Variants in ITPRID1 observed in about 807,000 individuals in gnomAD.
ITPRID1 encodes the protein protein ITPRID1.
A neutral mutation model predicts 95.4 loss-of-function variants in ITPRID1; 96 were observed. The observed-to-expected ratio is 1.01, with a 90% CI of 0.85 to 1.19. ITPRID1 has a LOEUF of 1.19. Among genes scored for constraint, ITPRID1 ranks in the 50% most tolerant of loss-of-function variants. ITPRID1 has a pLI of 0.00. For missense variants in ITPRID1, 1,339 were observed against 1,252.9 expected (o/e 1.07, Z -1.04); for synonymous variants, 510 against 453.6 (o/e 1.12, Z -1.58).
rs1791232211 is a variant in ITPRID1 at position 31,655,079 on chromosome 7, C to T, written c.*2250C>T. ...TCTCCAAGCATCTATGACCCTGATT[C>T]CCAGCTCTCTCCAGTATCCCAGCCC... On this transcript the variant is annotated 3_prime_UTR_variant, in exon 15 of 15. Coordinates refer to ENST00000615280, the MANE Select transcript of ITPRID1 (RefSeq NM_001257967.3). Among the ~76,000 whole-genome samples the T allele has an allele frequency of 1.3e-5, 2 of 152,280 alleles. No individual in the cohort carries two copies. Among genetic ancestry groups the T allele is most frequent in the East Asian group, 1.9e-4 (1 of 5,174 alleles).
intron 10 of ITPRID1, among the ~76,000 whole-genome samples, chr7:31,598,435 G>A (rs1474137416): frequency 2.5e-5 from 3 of 119,766 alleles, no homozygotes; most frequent in Admixed American, 1.2e-4. Flanking sequence ...ACGGAGTCTC[G>A]CTCTGTCACC....
intron 10 of ITPRID1, among the ~76,000 whole-genome samples, chr7:31,623,859 T>C (rs538498192): frequency 1.3e-5 from 2 of 152,258 alleles, no homozygotes; most frequent in African/African-American, 4.8e-5. Context: ...TATGATTTTA[T>C]ATGTAGAAAA....
At chr7:31,594,856 C>CA (rs967296991) in intron 10 of ITPRID1, among the ~76,000 whole-genome samples, 49 of 139,450 alleles carry the variant, frequency 3.5e-4, no homozygotes, top group South Asian at 1.4e-3. Context: ...GACTCCGTTT[C>CA]AAAAAAAAAG....
chr7:31,567,627 G>T (rs1436790418), intron 5 of ITPRID1, among the ~76,000 whole-genome samples: 2 of 150,412 alleles, frequency 1.3e-5, no homozygotes, highest in Non-Finnish European at 2.9e-5. Flanking sequence ...TGTCACCCAG[G>T]CTTGAGCGCA....
intron 10 of ITPRID1, among the ~76,000 whole-genome samples, chr7:31,626,106 CA>C (rs1247751531): frequency 6.6e-6 from 1 of 151,988 alleles, no homozygotes; most frequent in Non-Finnish European, 1.5e-5. Context: ...GTAAACTTGG[CA>C]AAAACATGTT....
At chr7:31,597,496 A>T (rs1348875637) in intron 10 of ITPRID1, among the ~76,000 whole-genome samples, 1 of 151,668 alleles carries the variant, frequency 6.6e-6, no homozygotes. Flanking sequence ...AGCAGAAAAA[A>T]AAAAACCCCA....
chr7:31,632,258 C>T (rs1789073092), intron 10 of ITPRID1, among the ~76,000 whole-genome samples: 6 of 151,980 alleles, frequency 3.9e-5, no homozygotes, highest in Admixed American at 3.3e-4. Context: ...ACCATCCTGG[C>T]TAACACGGTG....
chr7:31,632,599 A>G (rs1023821074), intron 10 of ITPRID1, among the ~76,000 whole-genome samples: 10 of 152,212 alleles, frequency 6.6e-5, no homozygotes, highest in Non-Finnish European at 1.0e-4. Context: ...GACTGATATC[A>G]GTGTAACCCA....
At chr7:31,525,950 T>C (rs1173048492) in intron 1 of ITPRID1, among the ~76,000 whole-genome samples, 3 of 151,954 alleles carry the variant, frequency 2.0e-5, no homozygotes, top group African/African-American at 7.3e-5. Flanking sequence ...ACTTTCTGGC[T>C]CACTGGGAAT....
At chr7:31,536,854 A>G (rs1017400350) in intron 1 of ITPRID1, among the ~76,000 whole-genome samples, 1 of 152,160 alleles carries the variant, frequency 6.6e-6, no homozygotes, top group African/African-American at 2.4e-5. Flanking sequence ...CCTGCACCTT[A>G]CAAGTCATTT....
Position 31,556,996 on chromosome 7 carries a change from T to C in ITPRID1, c.256+2095T>C, listed in dbSNP as rs574858193. 4.6e-5 allele frequency among the ~76,000 whole-genome samples: 7 copies of C among 152,118 alleles called. 1 individual carries two copies. The highest frequency in any genetic ancestry group is 1.4e-4 in the African/African-American group (6 of 41,540). ...TGGCTTTGGCAATCCTCAGTGTTCG[T>C]TGGCTTGCAGCTACATAACTCCTTT... On this transcript the variant is annotated intron_variant, in intron 5 of 14. Coordinates refer to ENST00000615280, the MANE Select transcript of ITPRID1 (RefSeq NM_001257967.3).
At chr7:31,605,267 C>T (rs1462156807) in intron 10 of ITPRID1, among the ~76,000 whole-genome samples, 1 of 152,150 alleles carries the variant, frequency 6.6e-6, no homozygotes, top group African/African-American at 2.4e-5. Context: ...GGAGGCAAAG[C>T]TGATGTATTT....
intron 6 of ITPRID1, among the ~76,000 whole-genome samples, chr7:31,571,153 G>C (rs4360201): frequency 1.3e-5 from 2 of 151,926 alleles, no homozygotes; most frequent in African/African-American, 2.4e-5. Context: ...TCAGCCTCCC[G>C]AGTAGCTGGG....
chr7:31,622,754 A>G (rs1235143343), intron 10 of ITPRID1, among the ~76,000 whole-genome samples: 1 of 152,078 alleles, frequency 6.6e-6, no homozygotes, highest in African/African-American at 2.4e-5. Context: ...AAATAACTAA[A>G]ATCAGAGCAG....
In ITPRID1 at chr7:31,642,882, A is replaced by C. The variant is rs1269440645; in HGVS notation, c.1512A>C (p.Glu504Asp). 5 of 1,613,908 alleles carry C rather than the reference A, an allele frequency of 3.1e-6. No individual in the cohort carries two copies. The African/African-American group carries it at 5.3e-5, about 17-fold the overall frequency. ...EQRASVSVME[E>D]EFLLEAMEGP... The stretch of plus-strand genomic sequence containing the variant: ...GGGCCTCAGTATCTGTGATGGAGGA[A>C]GAGTTTCTGCTTGAGGCCATGGAGG... The change falls in exon 12 of 15, where the codon GAA (glutamate) becomes GAC (aspartate). Residue 504 changes from glutamate (E) to aspartate (D), a missense_variant. By Grantham distance (45) the Glu-to-Asp change is conservative. Coordinates refer to ENST00000615280, the MANE Select transcript of ITPRID1 (RefSeq NM_001257967.3).
intron 10 of ITPRID1, among the ~76,000 whole-genome samples, chr7:31,599,615 TTC>T (rs1218510228): frequency 2.9e-4 from 18 of 61,474 alleles, no homozygotes; most frequent in African/African-American, 6.3e-4. Flanking sequence ...CTTTCTTTCT[TTC>T]TTTCTTTCTT....
intron 10 of ITPRID1, among the ~76,000 whole-genome samples, chr7:31,588,220 G>A (rs895842388): frequency 2.6e-5 from 4 of 152,124 alleles, no homozygotes; most frequent in African/African-American, 9.7e-5. Flanking sequence ...AACAAAGAGT[G>A]GAGGGAGTTT....
At chr7:31,574,434 T>G (rs1785102370) in intron 7 of ITPRID1, 106 bp from the exon 8 acceptor site, 1 of 981,326 alleles carries the variant, frequency 1.0e-6, no homozygotes, top group Non-Finnish European at 1.6e-6. Context: ...CTATTTAGGA[T>G]CCTCTTTCAC....
At chr7:31,541,618 A>G (rs1783935884) in intron 1 of ITPRID1, among the ~76,000 whole-genome samples, 2 of 152,176 alleles carry the variant, frequency 1.3e-5, no homozygotes, top group South Asian at 4.1e-4. Flanking sequence ...GCACATACCA[A>G]TAACATATTT....
Sources: gnomAD v4.1 joint callset for allele counts (sites outside exome capture counted in the v4.1 genomes callset) on GRCh38, gnomAD v4.1.1 for gene constraint, MANE v1.5 for transcripts, NCBI Gene and HGNC (gene_info 2026-07-23, HGNC 2026-07-21) for gene names.